Variants in HPSE2 observed in about 807,000 individuals in gnomAD.
The protein encoded by HPSE2 is inactive heparanase-2.
HPSE2 carries 38 observed loss-of-function variants against 60.5 expected under a neutral mutation model. The observed-to-expected ratio is 0.63, with a 90% CI of 0.48 to 0.82. The LOEUF (loss-of-function observed/expected upper bound fraction) is 0.82, where lower values mean the gene tolerates loss of function less well. Ranked by LOEUF, HPSE2 falls within the 40% of genes least tolerant of loss-of-function variation. The pLI, the probability that HPSE2 is intolerant of heterozygous loss-of-function variation, is 0.00. For synonymous variants in HPSE2, 295 were observed against 293.2 expected, an observed-to-expected ratio of 1.01 and a Z score of -0.06; for missense variants, 713 against 740.4, an observed-to-expected ratio of 0.96 and a Z score of 0.43.
intron 3 of HPSE2, among the ~76,000 whole-genome samples, chr10:99,047,141 A>C (rs1486903494): frequency 6.6e-6 from 1 of 152,194 alleles, no homozygotes; most frequent in Non-Finnish European, 1.5e-5. Context: ...TCCATGAAAC[A>C]GAGTAGCAAA....
At chr10:99,054,050 TAGC>T (rs1308416336) in intron 3 of HPSE2, among the ~76,000 whole-genome samples, 3 of 152,016 alleles carry the variant, frequency 2.0e-5, no homozygotes, top group Non-Finnish European at 4.4e-5. Flanking sequence ...GTTGCAGTCT[TAGC>T]AGATCAAAGT....
chr10:98,746,562 T>A (rs1949633851), intron 3 of HPSE2, among the ~76,000 whole-genome samples: 1 of 152,052 alleles, frequency 6.6e-6, no homozygotes. Flanking sequence ...AAACAAATTA[T>A]GTTTGCCTTA....
intron 3 of HPSE2, among the ~76,000 whole-genome samples, chr10:98,951,567 C>T (rs1045311037): frequency 1.3e-5 from 2 of 152,080 alleles, no homozygotes; most frequent in African/African-American, 4.8e-5. Flanking sequence ...TAGTTGACTT[C>T]AAAAAGATTT....
chr10:98,600,622 A>G (rs1945369501), intron 9 of HPSE2, among the ~76,000 whole-genome samples: 1 of 151,954 alleles, frequency 6.6e-6, no homozygotes, highest in South Asian at 2.1e-4. Flanking sequence ...AAAGACAAAC[A>G]GATGAACTGC....
At chr10:98,911,903 T>C (rs1953989347) in intron 3 of HPSE2, among the ~76,000 whole-genome samples, 1 of 152,182 alleles carries the variant, frequency 6.6e-6, no homozygotes, top group Non-Finnish European at 1.5e-5. Context: ...TGTCACAAGT[T>C]ATTTGACCTT....
chr10:98,490,233 A>T, intron 9 of HPSE2, 37 bp from the exon 10 acceptor site: 1 of 1,606,694 alleles, frequency 6.2e-7, no homozygotes. Flanking sequence ...CAGCGAGAGA[A>T]CACATGCTCA....
intron 9 of HPSE2, among the ~76,000 whole-genome samples, chr10:98,500,063 C>T (rs984661715): frequency 6.6e-6 from 1 of 152,108 alleles, no homozygotes; most frequent in Admixed American, 6.6e-5. Flanking sequence ...GACAGCAACA[C>T]AGTAATAGTG....
intron 6 of HPSE2, among the ~76,000 whole-genome samples, chr10:98,647,959 AAG>A (rs1038319385): frequency 1.3e-5 from 2 of 152,250 alleles, no homozygotes; most frequent in African/African-American, 4.8e-5. Flanking sequence ...TTCAGTAAGA[AAG>A]AGTTTGTACT....
chr10:98,511,096 TA>T (rs1942375449), intron 9 of HPSE2, among the ~76,000 whole-genome samples: 1 of 151,966 alleles, frequency 6.6e-6, no homozygotes, highest in African/African-American at 2.4e-5. Context: ...GCCTGATACA[TA>T]AAAGTATTTA....
chr10:98,849,696 A>G (rs925781752), intron 3 of HPSE2, among the ~76,000 whole-genome samples: 1 of 152,232 alleles, frequency 6.6e-6, no homozygotes, highest in Non-Finnish European at 1.5e-5. Flanking sequence ...AATAGAAATA[A>G]TTTGTAATTG....
intron 9 of HPSE2, among the ~76,000 whole-genome samples, chr10:98,529,066 G>C (rs1032051543): frequency 1.3e-5 from 2 of 152,212 alleles, no homozygotes; most frequent in Non-Finnish European, 2.9e-5. Context: ...TCAAATGCGC[G>C]CACGCGCGCA....
intron 5 of HPSE2, among the ~76,000 whole-genome samples, chr10:98,716,899 T>C (rs1948804564): frequency 6.6e-6 from 1 of 152,058 alleles, no homozygotes; most frequent in South Asian, 2.1e-4. Context: ...CCAGGCTGTA[T>C]TGTTCCATTT....
chr10:99,224,682 C>A lies in HPSE2; in HGVS notation c.448+7666G>T, dbSNP rs370280594. 1.4e-4 allele frequency among the ~76,000 whole-genome samples: 22 copies of A among 152,180 alleles called. No homozygotes were observed. In the East Asian group the frequency reaches 3.9e-3, roughly 27 times the overall value. On this transcript the variant is annotated intron_variant, in intron 2 of 11. Transcript: ENST00000370552. ...TTCTTCCATGAGGTCCCCATCCCAT[C>A]AGTAGGGATTGCGAGACCAGGAGAG...
At chr10:98,894,048 C>T (rs1953413551) in intron 3 of HPSE2, among the ~76,000 whole-genome samples, 1 of 152,120 alleles carries the variant, frequency 6.6e-6, no homozygotes, top group Non-Finnish European at 1.5e-5. Flanking sequence ...GATTGGCCTT[C>T]ACATAAATAT....
chr10:98,642,536 A>G (rs911018935), intron 6 of HPSE2, among the ~76,000 whole-genome samples: 2 of 152,230 alleles, frequency 1.3e-5, no homozygotes, highest in Non-Finnish European at 2.9e-5. Context: ...TGATGAATGT[A>G]CAAAGGTGGA....
At chr10:99,112,976 T>C (rs1844531696) in intron 3 of HPSE2, among the ~76,000 whole-genome samples, 1 of 152,014 alleles carries the variant, frequency 6.6e-6, no homozygotes, top group Non-Finnish European at 1.5e-5. Flanking sequence ...TACACATGCA[T>C]GGAAAATTTT....
chr10:99,072,031 T>TG (rs1842808211), intron 3 of HPSE2, among the ~76,000 whole-genome samples: 1 of 152,078 alleles, frequency 6.6e-6, no homozygotes, highest in Non-Finnish European at 1.5e-5. Context: ...GTTTGTTTTT[T>TG]TTTTTTTAAT....
intron 9 of HPSE2, among the ~76,000 whole-genome samples, chr10:98,584,859 C>T (rs1944896774): frequency 6.6e-6 from 1 of 152,120 alleles, no homozygotes; most frequent in Non-Finnish European, 1.5e-5. Context: ...AGCCTGCAAC[C>T]CCACATACAT....
intron 3 of HPSE2, among the ~76,000 whole-genome samples, chr10:98,885,955 A>T (rs1953151404): frequency 6.6e-6 from 1 of 152,076 alleles, no homozygotes; most frequent in Non-Finnish European, 1.5e-5. Context: ...GAAAGTTTAG[A>T]TGAAGGGCCA....
Sources: allele counts gnomAD v4.1 joint callset (sites outside exome capture counted in the v4.1 genomes callset), GRCh38; gene constraint gnomAD v4.1.1; transcripts MANE v1.5; gene names NCBI Gene and HGNC (gene_info 2026-07-23, HGNC 2026-07-21).